VPS13B: variants seen among roughly 807,000 people sequenced by gnomAD.
The protein encoded by VPS13B is intermembrane lipid transfer protein VPS13B.
In VPS13B, 285 loss-of-function variants were observed where a neutral mutation model predicts 426.4. The ratio of observed to expected loss-of-function variants is 0.67; its 90% CI spans 0.61 to 0.74. The LOEUF is 0.74. VPS13B is among the 30% of genes least tolerant of loss of function. VPS13B has a pLI of 0.00. For synonymous variants in VPS13B, 1,676 were observed against 1,676.4 expected, an observed-to-expected ratio of 1.00 and a Z score of 0.01; for missense variants, 4,537 against 4,782.6, an observed-to-expected ratio of 0.95 and a Z score of 1.51.
intron 19 of VPS13B, among the ~76,000 whole-genome samples, chr8:99,324,274 G>A (rs188686703): frequency 1.3e-5 from 2 of 152,186 alleles, no homozygotes; most frequent in East Asian, 3.9e-4. Context: ...TAATTGTTGG[G>A]TACCTATTTA....
chr8:99,823,734 G>A, intron 50 of VPS13B, 98 bp from the exon 51 acceptor site: 1 of 1,306,744 alleles, frequency 7.7e-7, no homozygotes, highest in Non-Finnish European at 1.1e-6. Flanking sequence ...GTACTGTCCT[G>A]GCAGACAATT....
At chr8:99,160,230 C>G (rs1473156608) in intron 15 of VPS13B, among the ~76,000 whole-genome samples, 1 of 152,090 alleles carries the variant, frequency 6.6e-6, no homozygotes, top group Non-Finnish European at 1.5e-5. Context: ...CAGGTATATA[C>G]AAACAATAAC....
intron 43 of VPS13B, among the ~76,000 whole-genome samples, chr8:99,797,402 G>A (rs1016408087): frequency 1.1e-4 from 17 of 152,056 alleles, no homozygotes; most frequent in African/African-American, 4.1e-4. Context: ...ACCACACCCA[G>A]CCAATAAATG....
At chr8:99,517,456 T>C (rs1045488562) in intron 29 of VPS13B, among the ~76,000 whole-genome samples, 2 of 152,168 alleles carry the variant, frequency 1.3e-5, no homozygotes, top group African/African-American at 2.4e-5. Flanking sequence ...AGGCTTATAA[T>C]ATACGCTACA....
intron 60 of VPS13B, 42 bp downstream of exon 60, chr8:99,870,929 G>A (rs1415445360): frequency 6.3e-7 from 1 of 1,588,300 alleles, no homozygotes; most frequent in Non-Finnish European, 8.6e-7. Flanking sequence ...CATCCATATT[G>A]TATGTTAATA....
At chr8:99,413,277 T>G (rs1328653500) in intron 21 of VPS13B, among the ~76,000 whole-genome samples, 2 of 152,196 alleles carry the variant, frequency 1.3e-5, no homozygotes, top group African/African-American at 2.4e-5. Flanking sequence ...TCTTCCTGGT[T>G]TACTCTTGGG....
chr8:99,844,660 G>A (rs955622603), intron 54 of VPS13B, among the ~76,000 whole-genome samples: 8 of 152,058 alleles, frequency 5.3e-5, no homozygotes, highest in Admixed American at 2.0e-4. Flanking sequence ...GTGAGCTACC[G>A]CCCCCGGCCT....
chr8:99,536,986 A>G, intron 30 of VPS13B: 1 of 346,536 alleles, frequency 2.9e-6, no homozygotes, highest in Non-Finnish European at 5.6e-6. Flanking sequence ...AGTAATTAAT[A>G]TCTTGTCCTT....
chr8:99,619,881 A>C (rs1447725783), intron 33 of VPS13B, among the ~76,000 whole-genome samples: 2 of 140,504 alleles, frequency 1.4e-5, no homozygotes, highest in Non-Finnish European at 1.5e-5. Context: ...TCTCAAAATG[A>C]TGATGATAAT....
chr8:99,323,979 A>C (rs1440449867), intron 19 of VPS13B, among the ~76,000 whole-genome samples: 1 of 152,220 alleles, frequency 6.6e-6, no homozygotes, highest in Non-Finnish European at 1.5e-5. Flanking sequence ...AAGGACTCCC[A>C]GCGTGGAATG....
At chr8:99,681,583 A>G (rs2129981274) in intron 35 of VPS13B, among the ~76,000 whole-genome samples, 1 of 152,320 alleles carries the variant, frequency 6.6e-6, no homozygotes, top group East Asian at 1.9e-4. Flanking sequence ...TAACAGAATC[A>G]TGTGAGTCTA....
intron 23 of VPS13B, among the ~76,000 whole-genome samples, chr8:99,451,279 C>G (rs1254505941): frequency 6.6e-6 from 1 of 152,290 alleles, no homozygotes; most frequent in East Asian, 1.9e-4. Flanking sequence ...CTATCCCACT[C>G]AATCCTCCAG....
intron 31 of VPS13B, among the ~76,000 whole-genome samples, chr8:99,563,248 A>G (rs1825023307): frequency 6.6e-6 from 1 of 152,250 alleles, no homozygotes; most frequent in African/African-American, 2.4e-5. Flanking sequence ...GAGAAACAAA[A>G]TGAAATAATT....
At chr8:99,556,396 G>T in intron 30 of VPS13B, 54 bp from the exon 31 acceptor site, 3 of 1,547,492 alleles carry the variant, frequency 1.9e-6, no homozygotes, top group Admixed American at 3.5e-5. Flanking sequence ...ACATAGAATG[G>T]TTATTTTATC....
intron 33 of VPS13B, among the ~76,000 whole-genome samples, chr8:99,585,291 T>A (rs1039922686): frequency 6.6e-6 from 1 of 152,162 alleles, no homozygotes; most frequent in Non-Finnish European, 1.5e-5. Context: ...CTTGAATGAA[T>A]GGTATGACAT....
intron 23 of VPS13B, among the ~76,000 whole-genome samples, chr8:99,461,937 A>G (rs566334701): frequency 1.4e-4 from 21 of 152,268 alleles, no homozygotes; most frequent in Middle Eastern, 6.8e-3. Flanking sequence ...CGTATTGCTC[A>G]GTGCTCTGTC....
At chr8:99,624,005 A>G (rs1828482044) in intron 33 of VPS13B, among the ~76,000 whole-genome samples, 2 of 83,800 alleles carry the variant, frequency 2.4e-5, no homozygotes, top group Non-Finnish European at 2.4e-5. Flanking sequence ...ATATATATAT[A>G]TATTTTTTTT....
intron 14 of VPS13B, among the ~76,000 whole-genome samples, chr8:99,155,927 A>G (rs925352999): frequency 2.6e-5 from 4 of 152,182 alleles, no homozygotes; most frequent in African/African-American, 9.6e-5. Flanking sequence ...CACTCAGGGT[A>G]CATACGCTGG....
chr8:99,812,981 G>A (rs945142482), intron 44 of VPS13B, among the ~76,000 whole-genome samples: 2 of 152,082 alleles, frequency 1.3e-5, no homozygotes, highest in South Asian at 2.1e-4. Context: ...AAGAGAAACC[G>A]TGCATTTAAA....
Sources: gnomAD v4.1 joint callset for allele counts (sites outside exome capture counted in the v4.1 genomes callset) on GRCh38, gnomAD v4.1.1 for gene constraint, MANE v1.5 for transcripts, NCBI Gene and HGNC (gene_info 2026-07-23, HGNC 2026-07-21) for gene names.